Variants in ZGRF1 observed in about 807,000 individuals in gnomAD.
The protein encoded by ZGRF1 is zinc finger GRF-type containing 1.
Under a neutral mutation model 203.5 loss-of-function variants are expected in ZGRF1, and 196 were observed. The ratio of observed to expected loss-of-function variants is 0.96; its 90% CI spans 0.86 to 1.08. The LOEUF (loss-of-function observed/expected upper bound fraction) is 1.08, where lower values mean the gene tolerates loss of function less well. Among genes scored for constraint, ZGRF1 ranks in the 50% least tolerant of loss-of-function variants. The probability of loss-of-function intolerance (pLI) is 0.00; values close to 1 mark genes in which losing one functional copy is unlikely to be tolerated. For synonymous variants in ZGRF1, 809 were observed against 841.3 expected, an observed-to-expected ratio of 0.96 and a Z score of 0.66; for missense variants, 2,326 against 2,416.3, an observed-to-expected ratio of 0.96 and a Z score of 0.78.
intron 2 of ZGRF1, among the ~76,000 whole-genome samples, 187 bp downstream of exon 2, chr4:112,632,969 T>C (rs1480748399): frequency 1.3e-5 from 2 of 152,270 alleles, no homozygotes; most frequent in African/African-American, 4.8e-5. Flanking sequence ...TACTGTGCAA[T>C]ATTTGGGATC....
rs188948475 is a variant in ZGRF1 at position 112,626,319 on chromosome 4, G to A, written c.103-2443C>T. Among the ~76,000 whole-genome samples, 13 of 152,274 alleles carry A rather than the reference G, an allele frequency of 8.5e-5. No homozygotes were observed. The East Asian group carries it at 1.2e-3, about 14-fold the overall frequency. ...TCTTTTAATTTGATACACCCTCCCT[G>A]AGCACTATCATCCATATAAATCAGA... On this transcript the variant is annotated intron_variant, in intron 3 of 27. Transcript: ENST00000505019.
intron 16 of ZGRF1, among the ~76,000 whole-genome samples, chr4:112,566,804 G>A (rs943478471): frequency 6.6e-6 from 1 of 152,038 alleles, no homozygotes; most frequent in Non-Finnish European, 1.5e-5. Context: ...AGGAGGAGGG[G>A]ATCAAAGAGG....
Position 112,587,723 on chromosome 4 carries a change from T to G in ZGRF1, c.3334A>C (p.Ser1112Arg). 1 of 1,581,190 alleles carries G rather than the reference T, an allele frequency of 6.3e-7. No individual in the cohort carries two copies. Among genetic ancestry groups the G allele is most frequent in the Non-Finnish European group, 8.6e-7 (1 of 1,162,702 alleles). The change falls in exon 12 of 28, where the codon AGC (serine) becomes CGC (arginine). Residue 1112 changes from serine (S) to arginine (R), a missense_variant. By Grantham distance (110) the Ser-to-Arg change is moderately radical. Transcript: ENST00000505019. ...LCEKSAVLSF[S>R]IEPEDQNETF... ...TCATTTTGGTCCTCAGGCTCAATGC[T>G]AAACGAAAGAACTGCTGACTTTTCA...
Position 112,633,155 on chromosome 4 carries a change from C to A in ZGRF1, c.21+1G>T, listed in dbSNP as rs761358966. 3.7e-6 allele frequency: 6 copies of A among 1,609,302 alleles called. No individual in the cohort carries two copies. Among genetic ancestry groups the A allele is most frequent in the Non-Finnish European group, 5.1e-6 (6 of 1,176,918 alleles). ...AAACTGTGAAAAATGGTAAAACTTA[C>A]AATAAATTCTTGGCTTTCCATTATT... is the stretch of plus-strand genomic sequence containing the variant. On this transcript the variant is annotated splice_donor_variant, in intron 2 of 27. Transcript: ENST00000505019. LOFTEE classifies it high-confidence loss of function.
chr4:112,620,048 C>T lies in ZGRF1; in HGVS notation c.305G>A (p.Gly102Asp), dbSNP rs1350499830. 1 of 1,611,078 alleles carries T rather than the reference C, an allele frequency of 6.2e-7. No individual in the cohort carries two copies. Among genetic ancestry groups the T allele is most frequent in the South Asian group, 1.1e-5 (1 of 90,428 alleles). Residue 102 changes from glycine to aspartate, a missense_variant, in exon 5 of 28, where the codon GGC becomes GAC. Physicochemically the swap from Gly to Asp is moderately conservative, Grantham distance 94. Coordinates refer to ENST00000505019, the MANE Select transcript of ZGRF1 (RefSeq NM_018392.5). The stretch of plus-strand genomic sequence containing the variant: ...AGAGGGCTGACATCCAAGAGATCGG[C>T]CAGAGGATATAAATGTCCTTGAATT... ...ELNSRTFISS[G>D]RSLGCQPSGL... is the part of the protein sequence containing the mutation.
intron 24 of ZGRF1, among the ~76,000 whole-genome samples, chr4:112,546,525 T>A (rs761828618): frequency 6.6e-6 from 1 of 152,218 alleles, no homozygotes; most frequent in African/African-American, 2.4e-5. Flanking sequence ...GGAAACTTCA[T>A]CCCCAATGCA....
In ZGRF1 at chr4:112,617,868, T is replaced by C; in HGVS notation, c.2174A>G (p.Glu725Gly). The stretch of plus-strand genomic sequence containing the variant: ...ACTAGAAGTTGAGGGTAAAACATGT[T>C]CATCATTTTTGTCTAAGTCACTTCC... ...ILGSDLDKNDEHVLPSTSSSD... is the reference protein window; with the variant it reads ...ILGSDLDKNDGHVLPSTSSSD... Residue 725 changes from glutamate (E) to glycine (G), a missense_variant, in exon 6 of 28, where the codon GAA becomes GGA. Coordinates refer to ENST00000505019, the MANE Select transcript of ZGRF1 (RefSeq NM_018392.5). The C allele has an allele frequency of 6.2e-7, 1 of 1,614,016 alleles. No individual in the cohort carries two copies. The highest frequency in any genetic ancestry group is 1.1e-5 in the South Asian group (1 of 91,070).
intron 16 of ZGRF1, among the ~76,000 whole-genome samples, chr4:112,564,823 T>C (rs1359535799): frequency 6.6e-6 from 1 of 152,232 alleles, no homozygotes; most frequent in Non-Finnish European, 1.5e-5. Context: ...ATACATAATG[T>C]TCCTGCACAA....
rs1469790132 is a variant in ZGRF1, at chr4:112,563,173, G to C, written c.4540C>G (p.Leu1514Val). 7.1e-6 allele frequency: 11 copies of C among 1,549,368 alleles called. No homozygotes were observed. Among genetic ancestry groups the C allele is most frequent in the Non-Finnish European group, 9.6e-6 (11 of 1,145,118 alleles). The change falls in exon 17 of 28, where the codon CTG becomes GTG. Residue 1514 changes from leucine to valine, a missense_variant. Coordinates refer to ENST00000505019, the MANE Select transcript of ZGRF1 (RefSeq NM_018392.5). Reference protein sequence around the residue: ...GPSSINEIEILPLKGYFPSNW... With the variant: ...GPSSINEIEIVPLKGYFPSNW... ...GAAGGGAAATAGCCTTTCAAAGGCAGTATTTCTATCTCATTGATAGATGAT... is the reference window on the plus strand; with the variant it reads ...GAAGGGAAATAGCCTTTCAAAGGCACTATTTCTATCTCATTGATAGATGAT...
chr4:112,556,067 T>A lies in ZGRF1; in HGVS notation c.5121-1285A>T, dbSNP rs576150292. On this transcript the variant is annotated intron_variant, in intron 20 of 27. Coordinates refer to ENST00000505019, the MANE Select transcript of ZGRF1 (RefSeq NM_018392.5). ...AGGTAACTCCTCATTGTCTTTAATT[T>A]AAAAAAAAAACAAAAACAAAAAACA... Among the ~76,000 whole-genome samples the A allele has an allele frequency of 3.4e-5, 5 of 148,774 alleles. No individual in the cohort carries two copies. In the South Asian group the frequency reaches 8.6e-4, roughly 26 times the overall value.
At chr4:112,624,016 T>C (rs896849516) in intron 3 of ZGRF1, 140 bp from the exon 4 acceptor site, 4 of 598,078 alleles carry the variant, frequency 6.7e-6, no homozygotes, top group Non-Finnish European at 6.0e-6. Context: ...GATTTGAAAA[T>C]TCATCTATTT....
intron 8 of ZGRF1, among the ~76,000 whole-genome samples, chr4:112,606,614 C>T (rs1750811706): frequency 6.7e-6 from 1 of 150,200 alleles, no homozygotes; most frequent in African/African-American, 2.5e-5. Flanking sequence ...GCTGAGATCA[C>T]GCCATTGCAC....
chr4:112,592,151 G>A (rs1748280139), intron 10 of ZGRF1, among the ~76,000 whole-genome samples: 1 of 145,092 alleles, frequency 6.9e-6, no homozygotes, highest in Non-Finnish European at 1.5e-5. Flanking sequence ...AGGCTGGAGT[G>A]CAGTGGCGTG....
rs1433052089 is a variant in ZGRF1, at chr4:112,548,064, C to T, written c.5474+189G>A. 2.0e-5 allele frequency among the ~76,000 whole-genome samples: 3 copies of T among 152,256 alleles called. No homozygotes were observed. The East Asian group carries it at 5.8e-4, about 29-fold the overall frequency. ...TCAAACAATCCTCCCACCTCAGCCT[C>T]CCAAGTTGCTGGGATTTTAGGCACA... On this transcript the variant is annotated intron_variant, in intron 23 of 27. Transcript: ENST00000505019.
rs1225850606 is a variant in ZGRF1 at position 112,578,526 on chromosome 4, A to G, written c.4438+3137T>C. Among the ~76,000 whole-genome samples the G allele has an allele frequency of 5.8e-5, 7 of 121,546 alleles. 1 individual carries two copies. Among genetic ancestry groups the G allele is most frequent in the African/African-American group, 2.0e-4 (7 of 35,258 alleles). The allele number at this position is 121,546 out of a possible 152,430, so 79.7% of individuals were successfully genotyped here. ...TCAACAAAATTGATAGACCGCTAGC[A>G]AGACTAATAAAGAAGAAAAGAGAGA... is the stretch of plus-strand genomic sequence containing the variant. On this transcript the variant is annotated intron_variant, in intron 16 of 27. Coordinates refer to ENST00000505019, the MANE Select transcript of ZGRF1 (RefSeq NM_018392.5).
intron 2 of ZGRF1, among the ~76,000 whole-genome samples, chr4:112,632,247 G>A (rs1287392643): frequency 2.0e-5 from 3 of 151,862 alleles, no homozygotes; most frequent in East Asian, 1.9e-4. Flanking sequence ...AGAAGGAGAG[G>A]GAGGGAATAG....
intron 6 of ZGRF1, among the ~76,000 whole-genome samples, chr4:112,615,394 AT>A (rs1413902434): frequency 6.6e-6 from 1 of 151,562 alleles, no homozygotes; most frequent in Non-Finnish European, 1.5e-5. Context: ...CACCCGACTA[AT>A]TTTTATATAT....
intron 23 of ZGRF1, among the ~76,000 whole-genome samples, chr4:112,547,735 TAGG>T (rs1560737428): frequency 6.6e-6 from 1 of 152,222 alleles, no homozygotes; most frequent in Admixed American, 6.5e-5. Flanking sequence ...AAGTCTTTCT[TAGG>T]AGTCATTTAG....
intron 20 of ZGRF1, among the ~76,000 whole-genome samples, 162 bp from the exon 21 acceptor site, chr4:112,554,944 G>T (rs997031532): frequency 3.9e-5 from 6 of 152,142 alleles, no homozygotes; most frequent in Admixed American, 1.3e-4. Flanking sequence ...CAAGTAGTTG[G>T]TTTTTTAAAT....
Sources: gnomAD v4.1 joint callset for allele counts (sites outside exome capture counted in the v4.1 genomes callset) on GRCh38, gnomAD v4.1.1 for gene constraint, MANE v1.5 for transcripts, NCBI Gene and HGNC (gene_info 2026-07-23, HGNC 2026-07-21) for gene names.